The following MASP2 variants were observed in gnomAD, a reference collection of about 807,000 sequenced individuals.
MASP2 encodes mannan-binding lectin serine protease 2.
In MASP2, 49 loss-of-function variants were observed where a neutral mutation model predicts 57.1. That is an observed-to-expected ratio of 0.86 (90% CI 0.68 to 1.09). MASP2 has a LOEUF of 1.09. MASP2 is among the 50% of genes least tolerant of loss of function. The pLI is 0.00. For missense variants in MASP2, 900 were observed against 874.8 expected (o/e 1.03, Z -0.36); for synonymous variants, 379 against 340.8 (o/e 1.11, Z -1.24).
At position 11,037,694 on chromosome 1, in the gene MASP2, TGCAGAAGCTCATA is replaced by T. The variant is rs1638289553; in HGVS notation, c.994_1006del (p.Tyr332LysfsTer6). 1.9e-6 allele frequency: 3 copies of T among 1,598,882 alleles called. No homozygotes were observed. The highest frequency in any genetic ancestry group is 2.6e-6 in the Non-Finnish European group (3 of 1,171,882). On this transcript the variant is annotated frameshift_variant and splice_region_variant, in exon 7 of 11. Coordinates refer to ENST00000400897, the MANE Select transcript of MASP2 (RefSeq NM_006610.4). LOFTEE classifies it high-confidence loss of function. ...GTGGTGTACTTTGTTTTAACTCACT[TGCAGAAGCTCATA>T]GCCAGTCTCGCAAAAGATGGAGAAG...
At position 11,027,609 on chromosome 1, in the gene MASP2, T is replaced by A; in HGVS notation, c.1337A>T (p.Tyr446Phe). 2 of 1,614,014 alleles carry A rather than the reference T, an allele frequency of 1.2e-6. No individual in the cohort carries two copies. The highest frequency in any genetic ancestry group is 1.7e-6 in the Non-Finnish European group (2 of 1,179,926). ...LSARTTGGRIYGGQKAKPGDF... is the reference protein window; with the variant it reads ...LSARTTGGRIFGGQKAKPGDF... ...ACCAGGTTTTGCCTTTTGCCCTCCA[T>A]ATATACGCCCTCCTGTTGTGCGGGC... Residue 446 changes from tyrosine (Y) to phenylalanine (F), a missense_variant, in exon 11 of 11, where the codon TAT becomes TTT. Physicochemically the swap from Tyr to Phe is conservative, Grantham distance 22 (BLOSUM62 3). Coordinates refer to ENST00000400897, the MANE Select transcript of MASP2 (RefSeq NM_006610.4).
intron 4 of MASP2, chr1:11,045,039 G>A: frequency 7.7e-7 from 1 of 1,301,448 alleles, no homozygotes; most frequent in East Asian, 2.3e-5. Flanking sequence ...AGCAGGTGGG[G>A]CTGCCCACGC....
chr1:11,035,069 A>T (rs528275112), intron 7 of MASP2, among the ~76,000 whole-genome samples, 163 bp from the exon 8 acceptor site: 4 of 151,928 alleles, frequency 2.6e-5, no homozygotes, highest in Non-Finnish European at 4.4e-5. Flanking sequence ...GGTTGGGGGG[A>T]TGCCTGGCAC....
chr1:11,041,838 G>GTAGAAGGATGGGTTGA (rs1553161789), intron 6 of MASP2, among the ~76,000 whole-genome samples: 3 of 121,394 alleles, frequency 2.5e-5, no homozygotes, highest in African/African-American at 9.4e-5. Flanking sequence ...GGGTAGATGA[G>GTAGAAGGATGGGTTGA]TAGAAGGATG....
chr1:11,046,448 C>A (rs1638639905), intron 3 of MASP2, 108 bp downstream of exon 3: 1 of 1,291,662 alleles, frequency 7.7e-7, no homozygotes, highest in Non-Finnish European at 1.1e-6. Context: ...CTCTCCCCTG[C>A]CCTGGGAAAG....
chr1:11,028,720 T>G (rs28731187), intron 10 of MASP2, among the ~76,000 whole-genome samples: 77,611 of 134,916 alleles, frequency 0.58, 25,943 homozygotes, highest in Non-Finnish European at 0.75. Flanking sequence ...TTTTTTTTTT[T>G]TTTTTTTTTT....
chr1:11,030,929 C>A, intron 8 of MASP2, 47 bp from the exon 9 acceptor site: 1 of 1,589,590 alleles, frequency 6.3e-7, no homozygotes, highest in South Asian at 1.2e-5. Context: ...CATTTCAGTG[C>A]TAACTTTCCA....
chr1:11,033,603 C>G (rs1215017723), intron 8 of MASP2, among the ~76,000 whole-genome samples: 32 of 151,092 alleles, frequency 2.1e-4, no homozygotes. Context: ...CAAGATTGCA[C>G]CACCGCACTC....
At chr1:11,030,917 A>G (rs1643833579) in intron 8 of MASP2, 35 bp from the exon 9 acceptor site, 2 of 1,601,928 alleles carry the variant, frequency 1.2e-6, no homozygotes, top group African/African-American at 2.7e-5. Flanking sequence ...GAATCCATTG[A>G]TCATTTCAGT....
At chr1:11,035,737 A>G (rs936123394) in intron 7 of MASP2, among the ~76,000 whole-genome samples, 1 of 152,076 alleles carries the variant, frequency 6.6e-6, no homozygotes, top group South Asian at 2.1e-4. Flanking sequence ...CTCTACAAAA[A>G]AGACAAAAGT....
chr1:11,033,632 G>A (rs576677223), intron 8 of MASP2, among the ~76,000 whole-genome samples: 18 of 151,998 alleles, frequency 1.2e-4, no homozygotes, highest in African/African-American at 4.1e-4. Context: ...GCAACAGAGT[G>A]AGACTCCGTC....
rs72550870 is a variant in MASP2 at position 11,046,609 on chromosome 1, T to C, written c.359A>G (p.Asp120Gly). The C allele has an allele frequency of 0.027, 42,786 of 1,613,734 alleles. 701 individuals carry two copies. The highest frequency in any genetic ancestry group is 0.031 in the Non-Finnish European group (36,662 of 1,179,982). ...CGTGAACGGCTTCTCGTTGGAGTAG[T>C]CGGAGCGGAAGGTAATGTCCAGGCT... ...GSSLDITFRS[D>G]YSNEKPFTGF... The change falls in exon 3 of 11, where the codon GAC (aspartate) becomes GGC (glycine). Residue 120 changes from aspartate to glycine, a missense_variant. Transcript: ENST00000400897.
At chr1:11,043,183 C>T (rs772948937) in intron 5 of MASP2, 156 bp downstream of exon 5, 92 of 980,736 alleles carry the variant, frequency 9.4e-5, no homozygotes, top group Middle Eastern at 2.9e-4. Flanking sequence ...CACTTGTACT[C>T]GAAGGCCCCA....
chr1:11,037,562 T>C, intron 7 of MASP2, 131 bp downstream of exon 7: 1 of 604,832 alleles, frequency 1.7e-6, no homozygotes. Flanking sequence ...CTTTTTATCA[T>C]TTAAAGATAG....
chr1:11,037,517 C>T (rs1275625636), intron 7 of MASP2, among the ~76,000 whole-genome samples, 176 bp downstream of exon 7: 1 of 152,160 alleles, frequency 6.6e-6, no homozygotes, highest in South Asian at 2.1e-4. Flanking sequence ...TTTTCCATAG[C>T]CATCCTTTTT....
intron 6 of MASP2, among the ~76,000 whole-genome samples, chr1:11,041,696 T>TA (rs1638449415): frequency 6.7e-6 from 1 of 149,762 alleles, no homozygotes; most frequent in Non-Finnish European, 1.5e-5. Context: ...GAAGTATGGG[T>TA]GAGTGGATGG....
chr1:11,045,246 G>T, intron 4 of MASP2, 162 bp downstream of exon 4: 1 of 1,044,648 alleles, frequency 9.6e-7, no homozygotes, highest in Non-Finnish European at 1.5e-6. Flanking sequence ...GCTGCTGAGA[G>T]GGGAAGCAGG....
At chr1:11,039,902 A>ATGGATG (rs1638369306) in intron 6 of MASP2, among the ~76,000 whole-genome samples, 2 of 122,158 alleles carry the variant, frequency 1.6e-5, no homozygotes, top group Non-Finnish European at 3.3e-5. Context: ...ATGGATGGAT[A>ATGGATG]GATGGATGGA....
At position 11,026,928 on chromosome 1, in the gene MASP2, A is replaced by T; in HGVS notation, c.2018T>A (p.Ile673Asn). ...AGQYGVYTKV[I>N]NYIPWIENII... ...GTTCTCGATCCAGGGAATATAGTTA[A>T]TAACTTTTGTGTAGACTCCATACTG... The change falls in exon 11 of 11, where the codon ATT becomes AAT. Residue 673 changes from isoleucine (I) to asparagine (N), a missense_variant. Coordinates refer to ENST00000400897, the MANE Select transcript of MASP2 (RefSeq NM_006610.4). 1 of 1,507,666 alleles carries T rather than the reference A, an allele frequency of 6.6e-7. No homozygotes were observed. Among genetic ancestry groups the T allele is most frequent in the Non-Finnish European group, 8.9e-7 (1 of 1,129,352 alleles). 93.4% of individuals were successfully genotyped at this position (1,507,666 alleles called of 1,614,324 possible).
Sources: gnomAD v4.1 joint callset for allele counts (sites outside exome capture counted in the v4.1 genomes callset) on GRCh38, gnomAD v4.1.1 for gene constraint, MANE v1.5 for transcripts, NCBI Gene and HGNC (gene_info 2026-07-23, HGNC 2026-07-21) for gene names.